Variants in RBFOX1 observed in about 807,000 individuals in gnomAD.
RBFOX1 encodes the protein RNA binding protein fox-1 homolog 1.
RBFOX1 carries 8 observed loss-of-function variants against 57.7 expected under a neutral mutation model. That is an observed-to-expected ratio of 0.14 (90% CI 0.08 to 0.25). The LOEUF is 0.25. RBFOX1 is among the 10% of genes least tolerant of loss of function. RBFOX1 has a pLI of 1.00. For missense variants in RBFOX1, 611 were observed against 548.5 expected (o/e 1.11, Z -1.14); for synonymous variants, 326 against 222.4 (o/e 1.47, Z -4.15).
At chr16:6,525,948 C>G (rs2096571915) in intron 2 of RBFOX1, among the ~76,000 whole-genome samples, 1 of 152,010 alleles carries the variant, frequency 6.6e-6, no homozygotes. Flanking sequence ...AGCAAGGGAA[C>G]TAATGGTGGC....
intron 4 of RBFOX1, among the ~76,000 whole-genome samples, chr16:7,321,077 GTATACATATACATATACATATACA>G (rs368597309): frequency 1.4e-5 from 2 of 142,634 alleles, no homozygotes; most frequent in Non-Finnish European, 3.0e-5. Context: ...CTATCTATAC[GTATACATATACATATACATATACA>G]TATACATATA....
Position 6,889,530 on chromosome 16 carries a change from G to T in RBFOX1, c.-15-162527G>T, listed in dbSNP as rs559970638. Among the ~76,000 whole-genome samples the T allele has an allele frequency of 2.6e-5, 4 of 152,302 alleles. No individual in the cohort carries two copies. In the East Asian group the frequency reaches 7.7e-4, roughly 29 times the overall value. On this transcript the variant is annotated intron_variant, in intron 3 of 15. Transcript: ENST00000550418. ...GTGTGTTGGGTTCTTCGTGACTGCA[G>T]TGTTACTCACCCTGTCTTGAATGAT... is the stretch of plus-strand genomic sequence containing the variant.
At chr16:6,568,393 G>A (rs548872238) in intron 2 of RBFOX1, among the ~76,000 whole-genome samples, 1 of 152,272 alleles carries the variant, frequency 6.6e-6, no homozygotes, top group African/African-American at 2.4e-5. Flanking sequence ...AGACATGGCG[G>A]ATGGCTCTCT....
chr16:7,124,113 T>C (rs2151855624), intron 4 of RBFOX1, among the ~76,000 whole-genome samples: 1 of 152,308 alleles, frequency 6.6e-6, no homozygotes, highest in African/African-American at 2.4e-5. Flanking sequence ...TTACCAAGTC[T>C]CAGGAGAGTT....
chr16:7,467,400 C>T (rs963045965), intron 4 of RBFOX1, among the ~76,000 whole-genome samples: 5 of 152,058 alleles, frequency 3.3e-5, no homozygotes, highest in East Asian at 3.9e-4. Flanking sequence ...TTCTTGAAGA[C>T]GTGCACTTTG....
intron 3 of RBFOX1, among the ~76,000 whole-genome samples, chr16:6,711,765 T>C (rs1364254276): frequency 6.6e-6 from 1 of 152,200 alleles, no homozygotes; most frequent in Admixed American, 6.5e-5. Flanking sequence ...GTCTCACCAC[T>C]CTCATTCTAG....
At chr16:5,321,160 G>C (rs1000910535) in intron 1 of RBFOX1, among the ~76,000 whole-genome samples, 1 of 152,066 alleles carries the variant, frequency 6.6e-6, no homozygotes, top group African/African-American at 2.4e-5. Context: ...GGGCATTGTG[G>C]GATGCTGAAC....
At chr16:6,954,122 G>A (rs2081301174) in intron 3 of RBFOX1, among the ~76,000 whole-genome samples, 2 of 152,188 alleles carry the variant, frequency 1.3e-5, no homozygotes, top group Admixed American at 6.5e-5. Context: ...AGTCACCTTT[G>A]CAGGCGTATT....
intron 3 of RBFOX1, among the ~76,000 whole-genome samples, chr16:5,690,090 C>G (rs930514591): frequency 2.0e-5 from 3 of 152,192 alleles, no homozygotes; most frequent in East Asian, 3.9e-4. Flanking sequence ...GGAGTACGGC[C>G]TGAGAGGCCA....
At position 7,156,769 on chromosome 16, in the gene RBFOX1, C is replaced by G. The variant is rs74009265; in HGVS notation, c.27+104671C>G. ...CTTGAGTTTTGTTGCTTTTCTACTT[C>G]AAACACTGCATCTGTGTATACTTCT... On this transcript the variant is annotated intron_variant, in intron 4 of 15. Transcript: ENST00000550418. Among the ~76,000 whole-genome samples the G allele has an allele frequency of 9.4e-3, 1,436 of 152,208 alleles. 27 individuals carry two copies. Among genetic ancestry groups the G allele is most frequent in the African/African-American group, 0.033 (1,357 of 41,518 alleles).
At chr16:6,361,174 A>G (rs1156814021) in intron 2 of RBFOX1, among the ~76,000 whole-genome samples, 1 of 152,114 alleles carries the variant, frequency 6.6e-6, no homozygotes, top group Non-Finnish European at 1.5e-5. Flanking sequence ...TGTCTCAATC[A>G]CTGAAACAGG....
chr16:6,095,159 T>C (rs572432210), intron 1 of RBFOX1, among the ~76,000 whole-genome samples: 1 of 152,292 alleles, frequency 6.6e-6, no homozygotes, highest in South Asian at 2.1e-4. Context: ...ATCCTCAGCA[T>C]TACTGGAGGT....
intron 3 of RBFOX1, among the ~76,000 whole-genome samples, chr16:6,882,292 C>G (rs983280588): frequency 6.6e-6 from 1 of 152,116 alleles, no homozygotes; most frequent in Non-Finnish European, 1.5e-5. Flanking sequence ...GGAGGAACAA[C>G]CTGTGCACTG....
intron 3 of RBFOX1, among the ~76,000 whole-genome samples, chr16:7,043,970 A>G (rs1163307126): frequency 2.0e-5 from 3 of 152,160 alleles, no homozygotes; most frequent in Admixed American, 6.6e-5. Flanking sequence ...TCAATTCTCC[A>G]AGACAAGTTG....
At chr16:5,647,031 C>A (rs1567342694) in intron 3 of RBFOX1, among the ~76,000 whole-genome samples, 1 of 152,126 alleles carries the variant, frequency 6.6e-6, no homozygotes, top group Non-Finnish European at 1.5e-5. Context: ...GATGCCATTC[C>A]TGTGTGAAAT....
chr16:7,382,355 T>C lies in RBFOX1; in HGVS notation c.28-135792T>C, dbSNP rs1411323688. On this transcript the variant is annotated intron_variant, in intron 4 of 15. Coordinates refer to ENST00000550418, the MANE Select transcript of RBFOX1 (RefSeq NM_018723.4). ...GAGTTTATTTTGGACTTTTAAAAAA[T>C]GTGACTTTAAGCTGCTCTGGAATGT... 3.3e-5 allele frequency among the ~76,000 whole-genome samples: 5 copies of C among 152,356 alleles called. 1 individual carries two copies. In the East Asian group the frequency reaches 9.6e-4, roughly 29 times the overall value.
At chr16:7,668,152 G>C (rs1279305896) in intron 13 of RBFOX1, among the ~76,000 whole-genome samples, 1 of 152,144 alleles carries the variant, frequency 6.6e-6, no homozygotes, top group South Asian at 2.1e-4. Flanking sequence ...GGCTTTTCTA[G>C]GTGCCCTGCT....
intron 1 of RBFOX1, among the ~76,000 whole-genome samples, chr16:6,303,742 G>A (rs2079102118): frequency 1.3e-5 from 2 of 151,332 alleles, no homozygotes; most frequent in Admixed American, 1.3e-4. Context: ...TTGGGAGGCC[G>A]AGGAGGGTGG....
chr16:5,701,328 C>T (rs925597214), intron 3 of RBFOX1, among the ~76,000 whole-genome samples: 1 of 152,166 alleles, frequency 6.6e-6, no homozygotes, highest in East Asian at 1.9e-4. Flanking sequence ...AAAAGGAAAT[C>T]ATTTGAAAGT....
Sources: allele counts gnomAD v4.1 joint callset (sites outside exome capture counted in the v4.1 genomes callset), GRCh38; gene constraint gnomAD v4.1.1; transcripts MANE v1.5; gene names NCBI Gene and HGNC (gene_info 2026-07-23, HGNC 2026-07-21).